The following DACH2 variants were observed in gnomAD, a reference collection of about 807,000 sequenced individuals.
DACH2 encodes dachshund homolog 2.
A neutral mutation model predicts 35.8 loss-of-function variants in DACH2; 17 were observed. The observed-to-expected ratio is 0.48, with a 90% CI of 0.33 to 0.71. The LOEUF (loss-of-function observed/expected upper bound fraction) is 0.71, where lower values mean the gene tolerates loss of function less well. Among genes scored for constraint, DACH2 ranks in the 30% least tolerant of loss-of-function variants. The pLI is 0.02. For missense variants in DACH2, 469 were observed against 472.7 expected (o/e 0.99, Z 0.07); for synonymous variants, 195 against 177.3 (o/e 1.10, Z -0.79).
At chrX:86,723,465 A>G (rs1034939112) in intron 6 of DACH2, among the ~76,000 whole-genome samples, 7 of 110,241 alleles carry the variant, frequency 6.3e-5, no homozygotes, top group Non-Finnish European at 3.8e-5. Context: ...CAATTTTTGT[A>G]TGTCTCATTG....
chrX:86,539,559 A>G (rs2038852319), intron 3 of DACH2, among the ~76,000 whole-genome samples: 1 of 111,586 alleles, frequency 9.0e-6, no homozygotes, highest in Admixed American at 9.6e-5. Context: ...TGCTCATGAT[A>G]CTTTCTCTTT....
At chrX:86,423,600 C>T (rs1463847837) in intron 2 of DACH2, among the ~76,000 whole-genome samples, 2 of 109,006 alleles carry the variant, frequency 1.8e-5, no homozygotes, top group Non-Finnish European at 3.8e-5. Context: ...GATATTTTCT[C>T]CCATTCTGTG....
At chrX:86,644,822 C>T (rs923289019) in intron 3 of DACH2, among the ~76,000 whole-genome samples, 3 of 111,100 alleles carry the variant, frequency 2.7e-5, no homozygotes, top group Non-Finnish European at 3.8e-5. Flanking sequence ...GGAAAAGACT[C>T]CCTATTTCAT....
chrX:86,465,534 G>T (rs778477768), intron 2 of DACH2, among the ~76,000 whole-genome samples: 5 of 111,834 alleles, frequency 4.5e-5, no homozygotes, highest in African/African-American at 1.6e-4. Flanking sequence ...TGGAAAAGAT[G>T]TACATATAAT....
rs749199642 is a variant in DACH2, at chrX:86,309,307, G to C, written c.489-67517G>C. The stretch of plus-strand genomic sequence containing the variant: ...CTACTGTACCAGATGTGGTTTGATT[G>C]CTTGAGCAAAATGACACATCACCTG... On this transcript the variant is annotated intron_variant, in intron 1 of 11. Transcript: ENST00000373125. 3.6e-5 allele frequency among the ~76,000 whole-genome samples: 4 copies of C among 112,247 alleles called. No homozygotes were observed. In the East Asian group the frequency reaches 1.1e-3, roughly 32 times the overall value.
chrX:86,573,337 G>A (rs1451849849), intron 3 of DACH2, among the ~76,000 whole-genome samples: 3 of 110,851 alleles, frequency 2.7e-5, no homozygotes, highest in African/African-American at 9.9e-5. Flanking sequence ...ACCTGGATCT[G>A]ACTCACTTCT....
intron 2 of DACH2, among the ~76,000 whole-genome samples, chrX:86,400,482 GCT>G (rs1217984347): frequency 9.0e-6 from 1 of 111,279 alleles, no homozygotes; most frequent in Non-Finnish European, 1.9e-5. Flanking sequence ...CAGTTTTTCT[GCT>G]CTGTTTTTTC....
intron 1 of DACH2, among the ~76,000 whole-genome samples, chrX:86,333,325 CAA>C (rs749751639): frequency 9.0e-6 from 1 of 111,709 alleles, no homozygotes; most frequent in South Asian, 3.7e-4. Context: ...TGTTTAATTT[CAA>C]AAGACTGTCA....
At chrX:86,359,145 AGTGCCTT>A (rs1227889638) in intron 1 of DACH2, among the ~76,000 whole-genome samples, 2 of 108,740 alleles carry the variant, frequency 1.8e-5, no homozygotes, top group Non-Finnish European at 1.9e-5. Flanking sequence ...TTAATTAAAG[AGTGCCTT>A]TAATTTCTTA....
intron 4 of DACH2, among the ~76,000 whole-genome samples, chrX:86,670,639 G>A (rs752208985): frequency 9.0e-6 from 1 of 111,136 alleles, no homozygotes; most frequent in Non-Finnish European, 1.9e-5. Context: ...TTTGGCTGAT[G>A]AACAACAACA....
intron 1 of DACH2, among the ~76,000 whole-genome samples, chrX:86,197,633 G>A (rs960064565): frequency 9.0e-5 from 10 of 110,674 alleles, no homozygotes; most frequent in African/African-American, 3.3e-4. Context: ...AGACAAAACA[G>A]ACTTTAAATG....
intron 5 of DACH2, among the ~76,000 whole-genome samples, chrX:86,698,018 C>T (rs1004299507): frequency 9.0e-6 from 1 of 110,974 alleles, no homozygotes; most frequent in Non-Finnish European, 1.9e-5. Flanking sequence ...CTACAAATAC[C>T]CATATCATAT....
intron 7 of DACH2, among the ~76,000 whole-genome samples, chrX:86,808,570 G>T (rs1167834653): frequency 9.3e-6 from 1 of 107,829 alleles, no homozygotes; most frequent in Non-Finnish European, 1.9e-5. Flanking sequence ...TCATTTTATT[G>T]TTGTAATTGT....
chrX:86,430,484 A>G (rs1348364226), intron 2 of DACH2, among the ~76,000 whole-genome samples: 2 of 112,780 alleles, frequency 1.8e-5, no homozygotes, highest in Admixed American at 9.4e-5. Context: ...ATTTAAAATT[A>G]GATGTGTTAC....
At chrX:86,411,793 A>G (rs2036618967) in intron 2 of DACH2, among the ~76,000 whole-genome samples, 1 of 111,529 alleles carries the variant, frequency 9.0e-6, no homozygotes, top group African/African-American at 3.3e-5. Flanking sequence ...GGTGGTATTG[A>G]TGACTACCTT....
chrX:86,403,410 G>A (rs1191097194), intron 2 of DACH2, among the ~76,000 whole-genome samples: 4 of 111,692 alleles, frequency 3.6e-5, no homozygotes, highest in Non-Finnish European at 5.7e-5. Flanking sequence ...CATAAAATTG[G>A]ACAATGAAAA....
chrX:86,747,642 G>A (rs1045813588), intron 7 of DACH2, among the ~76,000 whole-genome samples: 1 of 111,980 alleles, frequency 8.9e-6, no homozygotes, highest in African/African-American at 3.2e-5. Context: ...TAATAGTAAT[G>A]ATTATCTAAG....
chrX:86,308,720 C>T (rs1231176826), intron 1 of DACH2, among the ~76,000 whole-genome samples: 4 of 111,525 alleles, frequency 3.6e-5, no homozygotes, highest in Non-Finnish European at 5.6e-5. Context: ...GGCCTTTTAC[C>T]AGGGTAACTG....
intron 1 of DACH2, among the ~76,000 whole-genome samples, chrX:86,289,074 C>T (rs773662364): frequency 1.8e-5 from 2 of 109,815 alleles, no homozygotes; most frequent in South Asian, 4.1e-4. Context: ...TATTCAGGGG[C>T]CAAGGGCACT....
Sources: allele counts gnomAD v4.1 joint callset (sites outside exome capture counted in the v4.1 genomes callset), GRCh38; gene constraint gnomAD v4.1.1; transcripts MANE v1.5; gene names NCBI Gene and HGNC (gene_info 2026-07-23, HGNC 2026-07-21).